Variants in TLE4 observed in about 807,000 individuals in gnomAD.
TLE4 encodes TLE family member 4, transcriptional corepressor, also known as transducin-like enhancer protein 4.
In TLE4, 8 loss-of-function variants were observed where a neutral mutation model predicts 92.8. The observed-to-expected ratio is 0.09, with a 90% CI of 0.05 to 0.16. The LOEUF (loss-of-function observed/expected upper bound fraction) is 0.16, where lower values mean the gene tolerates loss of function less well. TLE4 is among the 10% of genes least tolerant of loss of function. The pLI is 1.00. For synonymous variants in TLE4, 371 were observed against 374.1 expected, an observed-to-expected ratio of 0.99 and a Z score of 0.10; for missense variants, 675 against 997.6, an observed-to-expected ratio of 0.68 and a Z score of 4.36.
At chr9:79,657,440 T>A (rs920303115) in intron 8 of TLE4, among the ~76,000 whole-genome samples, 1 of 152,210 alleles carries the variant, frequency 6.6e-6, no homozygotes, top group African/African-American at 2.4e-5. Flanking sequence ...TGATGGAATC[T>A]TCCATTGCCC....
chr9:79,649,634 C>G (rs769417504), intron 6 of TLE4: 10 of 299,620 alleles, frequency 3.3e-5, no homozygotes, highest in Non-Finnish European at 6.3e-5. Context: ...GAAAAGGACC[C>G]TTCTCTAAGA....
intron 5 of TLE4, among the ~76,000 whole-genome samples, chr9:79,621,681 C>T (rs962411770): frequency 5.3e-5 from 8 of 152,130 alleles, no homozygotes; most frequent in African/African-American, 1.9e-4. Flanking sequence ...CCAATCTGCT[C>T]AGCCCCGGCA....
At chr9:79,676,324 A>G (rs1389333966) in intron 8 of TLE4, among the ~76,000 whole-genome samples, 1 of 152,190 alleles carries the variant, frequency 6.6e-6, no homozygotes, top group Non-Finnish European at 1.5e-5. Flanking sequence ...TCACAAATTA[A>G]TATAAGAAAA....
At chr9:79,641,379 C>T (rs2057111652) in intron 6 of TLE4, among the ~76,000 whole-genome samples, 1 of 152,088 alleles carries the variant, frequency 6.6e-6, no homozygotes, top group Non-Finnish European at 1.5e-5. Context: ...AAAAGTTCAG[C>T]TTAAAAAACA....
At chr9:79,642,025 G>T (rs1417077469) in intron 6 of TLE4, among the ~76,000 whole-genome samples, 2 of 151,532 alleles carry the variant, frequency 1.3e-5, no homozygotes, top group Non-Finnish European at 2.9e-5. Flanking sequence ...GTAGTGTTTG[G>T]TAAACTTTGT....
In TLE4 at chr9:79,592,273, TTC is replaced by T. The variant is rs1387486208; in HGVS notation, c.252+16098_252+16099del. ...TCTTCTTTCTTCTTTCTTCTTCTTC[TTC>T]TTTTTTTTTTTTTTTTTGGAGGCAG... On this transcript the variant is annotated intron_variant, in intron 4 of 19. Coordinates refer to ENST00000376552, the MANE Select transcript of TLE4 (RefSeq NM_007005.6). Among the ~76,000 whole-genome samples the T allele has an allele frequency of 8.3e-3, 1,208 of 146,054 alleles. 10 individuals are homozygous for T. The highest frequency in any genetic ancestry group is 0.014 in the Non-Finnish European group (940 of 66,532).
intron 8 of TLE4, among the ~76,000 whole-genome samples, chr9:79,703,134 T>C (rs1378393465): frequency 2.0e-5 from 3 of 152,098 alleles, no homozygotes; most frequent in African/African-American, 4.8e-5. Flanking sequence ...TCCTGACCAG[T>C]TTTCTGAATT....
chr9:79,708,723 C>T lies in TLE4; in HGVS notation c.1200C>T (p.Ser400=). Residue 400 remains serine (S), a synonymous_variant, in exon 13 of 20, where the codon TCC becomes TCT. Coordinates refer to ENST00000376552, the MANE Select transcript of TLE4 (RefSeq NM_007005.6). ...GAAYAGLHNI[S]PQMSAAAAAA... is the part of the protein sequence containing the mutation. The stretch of plus-strand genomic sequence containing the variant: ...CCTACGCTGGGCTCCACAACATCTC[C>T]CCTCAGATGAGCGCAGCTGCTGCCG... 1.9e-6 allele frequency: 3 copies of T among 1,612,712 alleles called. No individual in the cohort carries two copies. The highest frequency in any genetic ancestry group is 2.5e-6 in the Non-Finnish European group (3 of 1,180,042).
chr9:79,623,829 T>C (rs1180888564), intron 5 of TLE4, among the ~76,000 whole-genome samples: 1 of 152,050 alleles, frequency 6.6e-6, no homozygotes, highest in Non-Finnish European at 1.5e-5. Context: ...CTTGGCTTAC[T>C]AATATATTCT....
At chr9:79,579,823 TGATAG>T (rs1230894348) in intron 4 of TLE4, among the ~76,000 whole-genome samples, 1 of 152,212 alleles carries the variant, frequency 6.6e-6, no homozygotes, top group African/African-American at 2.4e-5. Flanking sequence ...CCTTGCCAAC[TGATAG>T]GATATCATAA....
At chr9:79,592,247 T>A (rs2042854200) in intron 4 of TLE4, among the ~76,000 whole-genome samples, 5 of 141,316 alleles carry the variant, frequency 3.5e-5, no homozygotes, top group Admixed American at 3.5e-4. Context: ...CTTCTGCTTC[T>A]TCTTCTTTCT....
At chr9:79,634,087 T>C (rs760203615) in intron 6 of TLE4, among the ~76,000 whole-genome samples, 13 of 152,244 alleles carry the variant, frequency 8.5e-5, no homozygotes, top group Non-Finnish European at 1.9e-4. Flanking sequence ...AGTTATTTAA[T>C]GATTATGTCC....
At chr9:79,619,083 G>C (rs2133270031) in intron 5 of TLE4, among the ~76,000 whole-genome samples, 1 of 152,274 alleles carries the variant, frequency 6.6e-6, no homozygotes, top group African/African-American at 2.4e-5. Flanking sequence ...GTAGTACCAA[G>C]TAGTGTTTGG....
intron 4 of TLE4, among the ~76,000 whole-genome samples, chr9:79,609,862 G>A (rs1564360506): frequency 6.6e-6 from 1 of 152,096 alleles, no homozygotes; most frequent in Non-Finnish European, 1.5e-5. Flanking sequence ...GAAGCTAACA[G>A]TACTGGCGTA....
chr9:79,623,160 C>T (rs950813189), intron 5 of TLE4, among the ~76,000 whole-genome samples: 2 of 151,916 alleles, frequency 1.3e-5, no homozygotes, highest in African/African-American at 4.8e-5. Flanking sequence ...CTTTTTGTCT[C>T]ATTTATTCCT....
In TLE4 at chr9:79,684,871, A is replaced by G. The variant is rs564380601; in HGVS notation, c.610-19912A>G. ...AGCATCAGTGACAGAGCCCTACCAA[A>G]TGTGGATACAGGGAGGTGTGAAAAA... On this transcript the variant is annotated intron_variant, in intron 8 of 19. Transcript: ENST00000376552. 2.6e-5 allele frequency among the ~76,000 whole-genome samples: 4 copies of G among 152,274 alleles called. No individual in the cohort carries two copies. In the East Asian group the frequency reaches 7.7e-4, roughly 29 times the overall value.
rs140430911 is a variant in TLE4 at position 79,607,631 on chromosome 9, TC to T, written c.253-5023del. On this transcript the variant is annotated intron_variant, in intron 4 of 19. Coordinates refer to ENST00000376552, the MANE Select transcript of TLE4 (RefSeq NM_007005.6). ...CCAGCACCATTTATTAAATGGGGAA[TC>T]CTTTCCCCATTGCTTGTTTTTGTCA... 8.1e-3 allele frequency among the ~76,000 whole-genome samples: 1,231 copies of T among 152,306 alleles called. 19 individuals carry two copies. The highest frequency in any genetic ancestry group is 0.027 in the African/African-American group (1,132 of 41,568).
chr9:79,613,029 G>T (rs1163701950), intron 5 of TLE4, among the ~76,000 whole-genome samples: 1 of 152,086 alleles, frequency 6.6e-6, no homozygotes, highest in Admixed American at 6.5e-5. Flanking sequence ...ACCTAATAGG[G>T]TAGACTGAAA....
intron 14 of TLE4, 66 bp downstream of exon 14, chr9:79,709,765 C>A: frequency 7.4e-7 from 1 of 1,359,280 alleles, no homozygotes; most frequent in Non-Finnish European, 1.1e-6. Flanking sequence ...GCCCCGTAGA[C>A]TTAGAATACC....
Sources: allele counts gnomAD v4.1 joint callset (sites outside exome capture counted in the v4.1 genomes callset), GRCh38; gene constraint gnomAD v4.1.1; transcripts MANE v1.5; gene names NCBI Gene and HGNC (gene_info 2026-07-23, HGNC 2026-07-21).